The following GPC6 variants were observed in gnomAD, a reference collection of about 807,000 sequenced individuals.
GPC6 encodes glypican 6, also known as glypican-6.
GPC6 carries 14 observed loss-of-function variants against 55.2 expected under a neutral mutation model. The observed-to-expected ratio is 0.25, with a 90% confidence interval of 0.17 to 0.40. The LOEUF is 0.40. GPC6 is among the 10% of genes least tolerant of loss of function. The probability of loss-of-function intolerance (pLI) is 1.00; values close to 1 mark genes in which losing one functional copy is unlikely to be tolerated. For missense variants in GPC6, 641 were observed against 708.5 expected, an observed-to-expected ratio of 0.90 and a Z score of 1.08; for synonymous variants, 278 against 259.6, an observed-to-expected ratio of 1.07 and a Z score of -0.68.
chr13:93,616,521 A>G (rs562437456), intron 2 of GPC6, among the ~76,000 whole-genome samples: 1 of 152,226 alleles, frequency 6.6e-6, no homozygotes, highest in Admixed American at 6.5e-5. Context: ...GGTTCCAATT[A>G]GATGATTAAA....
At chr13:93,726,299 G>A (rs1883638612) in intron 2 of GPC6, among the ~76,000 whole-genome samples, 1 of 151,896 alleles carries the variant, frequency 6.6e-6, no homozygotes, top group Non-Finnish European at 1.5e-5. Context: ...CTGCTTCCTA[G>A]CAGACTGTTT....
intron 3 of GPC6, among the ~76,000 whole-genome samples, chr13:94,005,951 G>A (rs946686615): frequency 6.6e-6 from 1 of 152,040 alleles, no homozygotes; most frequent in African/African-American, 2.4e-5. Context: ...ATTGTACTGA[G>A]TACTTTGATT....
chr13:94,214,738 G>T lies in GPC6; in HGVS notation c.878-71611G>T, dbSNP rs183795389. ...ATATATAAACAACCACTATTCATGG[G>T]TTAAGAACAAAGGGCATCAGTGTGT... is the stretch of plus-strand genomic sequence containing the variant. On this transcript the variant is annotated intron_variant, in intron 4 of 8. Coordinates refer to ENST00000377047, the MANE Select transcript of GPC6 (RefSeq NM_005708.5). 3.3e-5 allele frequency among the ~76,000 whole-genome samples: 5 copies of T among 152,218 alleles called. No homozygotes were observed. The East Asian group carries it at 9.7e-4, about 29-fold the overall frequency.
chr13:94,067,577 TTATAGATA>T (rs1225998015), intron 4 of GPC6, among the ~76,000 whole-genome samples: 45 of 130,386 alleles, frequency 3.5e-4, no homozygotes, highest in Non-Finnish European at 6.2e-4. Flanking sequence ...GATAGATAGA[TTATAGATA>T]GATAGATAGA....
intron 7 of GPC6, among the ~76,000 whole-genome samples, chr13:94,390,444 C>G (rs1160307316): frequency 6.6e-6 from 1 of 152,102 alleles, no homozygotes; most frequent in African/African-American, 2.4e-5. Flanking sequence ...GTTCCACAGG[C>G]TGTATAGGAA....
At chr13:93,538,611 G>A (rs1036081340) in intron 1 of GPC6, among the ~76,000 whole-genome samples, 35 of 152,122 alleles carry the variant, frequency 2.3e-4, no homozygotes, top group African/African-American at 7.0e-4. Context: ...AAATAGTCAC[G>A]CAAAGAAGTG....
At chr13:93,632,617 G>GTA (rs201000882) in intron 2 of GPC6, among the ~76,000 whole-genome samples, 5,622 of 51,740 alleles carry the variant, frequency 0.11, 308 homozygotes, top group Admixed American at 0.22. Context: ...GTATATATAT[G>GTA]TATATATATA....
In GPC6 at chr13:94,387,975, T is replaced by A. The variant is rs1409490385; in HGVS notation, c.1289+5425T>A. Among the ~76,000 whole-genome samples, 4 of 152,310 alleles carry A rather than the reference T, an allele frequency of 2.6e-5. No individual in the cohort carries two copies. In the East Asian group the frequency reaches 7.7e-4, roughly 29 times the overall value. ...AGTCTAGGGTAGAACCTGAGTGAGA[T>A]TCAGCATTTCTAACAAGCTTTTAGG... On this transcript the variant is annotated intron_variant, in intron 7 of 8. Coordinates refer to ENST00000377047, the MANE Select transcript of GPC6 (RefSeq NM_005708.5).
intron 2 of GPC6, among the ~76,000 whole-genome samples, chr13:93,578,174 G>A (rs1159705612): frequency 6.6e-6 from 1 of 151,904 alleles, no homozygotes; most frequent in African/African-American, 2.4e-5. Context: ...TTTTGTTGTT[G>A]TGTCCTTGTC....
chr13:94,022,943 G>GTATTAAATAAA (rs1274036311), intron 3 of GPC6, among the ~76,000 whole-genome samples: 1 of 151,968 alleles, frequency 6.6e-6, no homozygotes, highest in African/African-American at 2.4e-5. Flanking sequence ...GCTCAAATAA[G>GTATTAAATAAA]TATTAAAAAT....
At chr13:94,398,238 A>T (rs1285814478) in intron 7 of GPC6, among the ~76,000 whole-genome samples, 22 of 125,772 alleles carry the variant, frequency 1.7e-4, no homozygotes, top group Non-Finnish European at 3.1e-4. Flanking sequence ...AGTGCCATTT[A>T]AAAAAAAAAA....
At chr13:93,844,865 C>G (rs1888111102) in intron 3 of GPC6, among the ~76,000 whole-genome samples, 1 of 150,662 alleles carries the variant, frequency 6.6e-6, no homozygotes, top group Admixed American at 6.7e-5. Context: ...CTACATATGG[C>G]TAGCCAATTT....
chr13:93,556,470 A>G (rs1399152195), intron 2 of GPC6, among the ~76,000 whole-genome samples: 1 of 148,494 alleles, frequency 6.7e-6, no homozygotes, highest in Non-Finnish European at 1.5e-5. Flanking sequence ...ACAGGCATGC[A>G]GTGTGAAATA....
chr13:93,315,861 T>C (rs548347722), intron 1 of GPC6, among the ~76,000 whole-genome samples: 21 of 152,142 alleles, frequency 1.4e-4, no homozygotes, highest in African/African-American at 5.1e-4. Context: ...TCTGAAGATA[T>C]TTTGTTGATG....
At chr13:93,633,745 C>G (rs1879580938) in intron 2 of GPC6, among the ~76,000 whole-genome samples, 2 of 151,904 alleles carry the variant, frequency 1.3e-5, no homozygotes, top group Non-Finnish European at 2.9e-5. Context: ...AGGGCAGAGA[C>G]TAGGAAGTGA....
At chr13:93,518,249 T>C (rs1403323564) in intron 1 of GPC6, among the ~76,000 whole-genome samples, 2 of 151,948 alleles carry the variant, frequency 1.3e-5, no homozygotes, top group Non-Finnish European at 1.5e-5. Context: ...TCATTATCTA[T>C]GTCCTGTTTT....
intron 3 of GPC6, among the ~76,000 whole-genome samples, chr13:93,993,713 C>T (rs1881415654): frequency 6.6e-6 from 1 of 152,146 alleles, no homozygotes; most frequent in Non-Finnish European, 1.5e-5. Flanking sequence ...TATTCATATG[C>T]ATTCTGTGAA....
At chr13:93,899,691 G>A (rs1261468791) in intron 3 of GPC6, among the ~76,000 whole-genome samples, 1 of 152,076 alleles carries the variant, frequency 6.6e-6, no homozygotes, top group African/African-American at 2.4e-5. Context: ...TTGACAGAGA[G>A]CTATACCATA....
chr13:94,021,254 T>TTG (rs925859265), intron 3 of GPC6, among the ~76,000 whole-genome samples: 50 of 141,936 alleles, frequency 3.5e-4, no homozygotes, highest in African/African-American at 6.6e-4. Context: ...TGTATGTTCA[T>TTG]TGTGTGTATA....
Sources: allele counts gnomAD v4.1 joint callset (sites outside exome capture counted in the v4.1 genomes callset), GRCh38; gene constraint gnomAD v4.1.1; transcripts MANE v1.5; gene names NCBI Gene and HGNC (gene_info 2026-07-23, HGNC 2026-07-21).